Variants in CRACR2A observed in about 807,000 individuals in gnomAD.
CRACR2A encodes the protein EF-hand calcium-binding domain-containing protein 4B.
In CRACR2A, 79 loss-of-function variants were observed where a neutral mutation model predicts 90.5. The ratio of observed to expected loss-of-function variants is 0.87; its 90% confidence interval spans 0.73 to 1.05. The LOEUF is 1.05. Ranked by LOEUF, CRACR2A falls within the 50% of genes least tolerant of loss-of-function variation. The pLI, the probability that CRACR2A is intolerant of heterozygous loss-of-function variation, is 0.00. For missense variants in CRACR2A, 823 were observed against 897.2 expected (o/e 0.92, Z 1.06); for synonymous variants, 338 against 356.7 (o/e 0.95, Z 0.59).
chr12:3,724,822 C>T (rs188507345), intron 2 of CRACR2A, among the ~76,000 whole-genome samples: 89 of 152,304 alleles, frequency 5.8e-4, no homozygotes, highest in Non-Finnish European at 9.4e-4. Flanking sequence ...ACTAAGTGTT[C>T]AGACATCCGA....
At chr12:3,686,667 G>GC (rs1318801404) in intron 4 of CRACR2A, among the ~76,000 whole-genome samples, 4 of 152,008 alleles carry the variant, frequency 2.6e-5, no homozygotes, top group African/African-American at 4.8e-5. Flanking sequence ...GACTGACTCA[G>GC]CCCCCCGTGA....
At chr12:3,676,528 C>T (rs1486844498) in intron 6 of CRACR2A, among the ~76,000 whole-genome samples, 1 of 129,288 alleles carries the variant, frequency 7.7e-6, no homozygotes, top group Non-Finnish European at 1.7e-5. Context: ...GAAGGCAGAG[C>T]CCTCACGAAT....
intron 4 of CRACR2A, among the ~76,000 whole-genome samples, chr12:3,682,745 G>A (rs1449452347): frequency 6.6e-6 from 1 of 151,680 alleles, no homozygotes; most frequent in Admixed American, 6.6e-5. Flanking sequence ...GCTTATTCTG[G>A]TATGGTCCCC....
chr12:3,676,432 A>G (rs1231501373), intron 6 of CRACR2A, among the ~76,000 whole-genome samples: 1 of 152,218 alleles, frequency 6.6e-6, no homozygotes, highest in Non-Finnish European at 1.5e-5. Flanking sequence ...GTGAATGTTT[A>G]TATCTCCTAC....
At position 3,644,579 on chromosome 12, in the gene CRACR2A, A is replaced by G. The variant is rs1591651436; in HGVS notation, c.1164+16T>C. Reference sequence around the variant, plus strand: ...GCCCTTGGTCCCCCACAGGTAAGGGAGAACTGGCCAATTACCTGAAAACAT... The same window carrying G: ...GCCCTTGGTCCCCCACAGGTAAGGGGGAACTGGCCAATTACCTGAAAACAT... On this transcript the variant is annotated intron_variant, in intron 12 of 19. Coordinates refer to ENST00000440314, the MANE Select transcript of CRACR2A (RefSeq NM_001144958.2). 6.4e-7 allele frequency: 1 copy of G among 1,551,108 alleles called. No homozygotes were observed. Among genetic ancestry groups the G allele is most frequent in the African/African-American group, 1.4e-5 (1 of 73,158 alleles).
intron 1 of CRACR2A, among the ~76,000 whole-genome samples, chr12:3,739,046 C>A (rs1466696337): frequency 2.7e-5 from 4 of 147,256 alleles, no homozygotes; most frequent in African/African-American, 9.8e-5. Flanking sequence ...AAAAAAAAAA[C>A]CTGGGAGTTG....
intron 7 of CRACR2A, among the ~76,000 whole-genome samples, chr12:3,666,330 C>CGTGTGTGTGTGTTT (rs1555112056): frequency 0.097 from 13,487 of 139,442 alleles, 858 homozygotes; most frequent in Non-Finnish European, 0.14. Context: ...AGGACGGCTG[C>CGTGTGTGTGTGTTT]GTGTGTGTGT....
intron 6 of CRACR2A, among the ~76,000 whole-genome samples, chr12:3,677,282 C>T (rs77621178): frequency 0.042 from 6,342 of 152,280 alleles, 447 homozygotes; most frequent in African/African-American, 0.14. Context: ...GGTCTCACAG[C>T]CGTGAATGTT....
At position 3,673,808 on chromosome 12, in the gene CRACR2A, G is replaced by A. The variant is rs547821305; in HGVS notation, c.525-216C>T. 9.2e-5 allele frequency among the ~76,000 whole-genome samples: 14 copies of A among 152,326 alleles called. No homozygotes were observed. The South Asian group carries it at 1.9e-3, about 20-fold the overall frequency. On this transcript the variant is annotated intron_variant, in intron 6 of 19. Coordinates refer to ENST00000440314, the MANE Select transcript of CRACR2A (RefSeq NM_001144958.2). ...ACAATAACCCTACAAGGCAGGAGCT[G>A]CAATTACCCCATTTACAGATGACGA...
chr12:3,720,964 A>G (rs1335745450), intron 2 of CRACR2A, among the ~76,000 whole-genome samples: 1 of 152,172 alleles, frequency 6.6e-6, no homozygotes, highest in Admixed American at 6.5e-5. Context: ...AACTCACTTT[A>G]TTACCCGCCT....
chr12:3,678,532 C>G (rs1310237997), intron 6 of CRACR2A, among the ~76,000 whole-genome samples: 1 of 152,020 alleles, frequency 6.6e-6, no homozygotes, highest in South Asian at 2.1e-4. Context: ...TGATAGGAAG[C>G]CTTAGGGAGA....
At chr12:3,671,559 G>A (rs578023936) in intron 7 of CRACR2A, among the ~76,000 whole-genome samples, 1 of 152,172 alleles carries the variant, frequency 6.6e-6, no homozygotes, top group South Asian at 2.1e-4. Flanking sequence ...TGGGGCTGGG[G>A]GCAAGACTCT....
chr12:3,740,924 A>G (rs7134115), intron 1 of CRACR2A, among the ~76,000 whole-genome samples: 24,571 of 152,124 alleles, frequency 0.16, 2,216 homozygotes, highest in African/African-American at 0.22. Context: ...CTCAGTGAGA[A>G]GTGACTTGAA....
intron 17 of CRACR2A, among the ~76,000 whole-genome samples, chr12:3,624,819 A>AGTCCC (rs1944224887): frequency 1.3e-5 from 2 of 152,256 alleles, no homozygotes; most frequent in Non-Finnish European, 2.9e-5. Flanking sequence ...GCTGAAGCAG[A>AGTCCC]GACTGCATTT....
intron 4 of CRACR2A, among the ~76,000 whole-genome samples, chr12:3,683,937 G>A (rs1945504497): frequency 6.6e-6 from 1 of 152,114 alleles, no homozygotes; most frequent in Admixed American, 6.5e-5. Flanking sequence ...ATAGTGACTG[G>A]CAACCTTCCA....
chr12:3,686,032 A>G (rs1945546690), intron 4 of CRACR2A, among the ~76,000 whole-genome samples: 1 of 152,206 alleles, frequency 6.6e-6, no homozygotes, highest in African/African-American at 2.4e-5. Flanking sequence ...GCTTAAGCTC[A>G]TTCAATTATC....
intron 15 of CRACR2A, among the ~76,000 whole-genome samples, chr12:3,632,081 C>T (rs1006488744): frequency 1.3e-5 from 2 of 152,160 alleles, no homozygotes; most frequent in African/African-American, 4.8e-5. Context: ...TGGTTTAGCA[C>T]CTTCCCTTTG....
chr12:3,617,627 C>T (rs1010374936), intron 18 of CRACR2A, among the ~76,000 whole-genome samples: 64 of 152,216 alleles, frequency 4.2e-4, no homozygotes, highest in African/African-American at 1.5e-3. Flanking sequence ...ACCAGACTGG[C>T]CGTCAGCTCA....
chr12:3,733,624 A>G (rs2137866148), intron 1 of CRACR2A, among the ~76,000 whole-genome samples: 1 of 152,318 alleles, frequency 6.6e-6, no homozygotes, highest in South Asian at 2.1e-4. Context: ...GCAGAACAGA[A>G]GGACTGAATC....
Sources: gnomAD v4.1 joint callset for allele counts (sites outside exome capture counted in the v4.1 genomes callset) on GRCh38, gnomAD v4.1.1 for gene constraint, MANE v1.5 for transcripts, NCBI Gene and HGNC (gene_info 2026-07-23, HGNC 2026-07-21) for gene names.